The following GOLGA4 variants were observed in gnomAD, a reference collection of about 807,000 sequenced individuals.
GOLGA4 encodes golgin A4.
A neutral mutation model predicts 265.9 loss-of-function variants in GOLGA4; 169 were observed. The observed-to-expected ratio is 0.64, with a 90% CI of 0.56 to 0.72. GOLGA4 has a LOEUF of 0.72. Ranked by LOEUF, GOLGA4 falls within the 30% of genes least tolerant of loss-of-function variation. The probability of loss-of-function intolerance (pLI) is 0.00; values close to 1 mark genes in which losing one functional copy is unlikely to be tolerated. For missense variants in GOLGA4, 2,482 were observed against 2,483.4 expected, an observed-to-expected ratio of 1.00 and a Z score of 0.01; for synonymous variants, 923 against 855.8, an observed-to-expected ratio of 1.08 and a Z score of -1.37.
chr3:37,336,577 A>G (rs563837440), intron 17 of GOLGA4, among the ~76,000 whole-genome samples: 2 of 151,226 alleles, frequency 1.3e-5, no homozygotes, highest in South Asian at 4.2e-4. Flanking sequence ...CCTGACCAAC[A>G]TGGAGAAACC....
chr3:37,337,741 G>T lies in GOLGA4; in HGVS notation c.6396+7G>T, dbSNP rs1391133224. On this transcript the variant is annotated splice_region_variant and intron_variant, in intron 19 of 23. Transcript: ENST00000361924. ...GCAAGAGTTCAGAGAACAGGTACAG[G>T]CCTAATTGGTACCTTTTATTTTGAA... The T allele has an allele frequency of 2.6e-6, 4 of 1,551,982 alleles. No homozygotes were observed. Among genetic ancestry groups the T allele is most frequent in the Non-Finnish European group, 3.6e-6 (4 of 1,123,490 alleles).
At chr3:37,281,263 G>A (rs1354554988) in intron 2 of GOLGA4, among the ~76,000 whole-genome samples, 2 of 152,096 alleles carry the variant, frequency 1.3e-5, no homozygotes, top group Non-Finnish European at 2.9e-5. Context: ...TTGTGCAGAG[G>A]GACTCTAACT....
chr3:37,271,204 A>G lies in GOLGA4; in HGVS notation c.163-10754A>G, dbSNP rs1374307209. On this transcript the variant is annotated intron_variant, in intron 2 of 23. Transcript: ENST00000361924. Reference sequence around the variant, plus strand: ...TGTGTGGCCCCGTTCCTAACAGGCTATGAGTTGATACTGGACTGTGGCCCA... The same window carrying G: ...TGTGTGGCCCCGTTCCTAACAGGCTGTGAGTTGATACTGGACTGTGGCCCA... Among the ~76,000 whole-genome samples the G allele has an allele frequency of 2.6e-5, 4 of 152,228 alleles. No homozygotes were observed. In the East Asian group the frequency reaches 7.7e-4, roughly 29 times the overall value.
rs1696741110 is a variant in GOLGA4, at chr3:37,366,308, G to T, written c.*262G>T. On this transcript the variant is annotated 3_prime_UTR_variant, in exon 24 of 24. Coordinates refer to ENST00000361924, the MANE Select transcript of GOLGA4 (RefSeq NM_002078.5). ...TTTCTTCAGTTTTCTCTTGGGAAGA[G>T]TTTTATGTTGTTTAAAAGATATTTT... is the stretch of plus-strand genomic sequence containing the variant. 1 of 427,856 alleles carries T rather than the reference G, an allele frequency of 2.3e-6. No individual in the cohort carries two copies. Among genetic ancestry groups the T allele is most frequent in the African/African-American group, 2.0e-5 (1 of 49,758 alleles). 26.5% of individuals were successfully genotyped at this position (427,856 alleles called of 1,614,324 possible). A position where few individuals can be genotyped will look rare whatever the true frequency, so the allele number is the denominator to read the frequency against.
intron 23 of GOLGA4, among the ~76,000 whole-genome samples, chr3:37,363,597 A>G (rs953507846): frequency 6.6e-6 from 1 of 152,216 alleles, no homozygotes; most frequent in Non-Finnish European, 1.5e-5. Context: ...ACTTGCCGAC[A>G]TGCTTGCAAG....
intron 2 of GOLGA4, among the ~76,000 whole-genome samples, chr3:37,271,967 A>G (rs2096799924): frequency 6.6e-6 from 1 of 152,134 alleles, no homozygotes; most frequent in Non-Finnish European, 1.5e-5. Flanking sequence ...TCTAGGTTGC[A>G]TGCTCCTTAT....
At chr3:37,248,651 G>C (rs914658244) in intron 1 of GOLGA4, among the ~76,000 whole-genome samples, 2 of 152,172 alleles carry the variant, frequency 1.3e-5, no homozygotes, top group African/African-American at 4.8e-5. Flanking sequence ...ATCAGGCCAC[G>C]TTTTGCCAGA....
At chr3:37,259,473 A>G (rs1249430144) in intron 2 of GOLGA4, among the ~76,000 whole-genome samples, 2 of 152,190 alleles carry the variant, frequency 1.3e-5, no homozygotes, top group Non-Finnish European at 2.9e-5. Flanking sequence ...TGCTTTTAAC[A>G]CATAGTATAG....
chr3:37,338,904 C>T (rs561194319), intron 19 of GOLGA4, among the ~76,000 whole-genome samples: 77 of 148,800 alleles, frequency 5.2e-4, no homozygotes, highest in Non-Finnish European at 7.9e-4. Context: ...CTCTGTCATC[C>T]AGGCTGGAGT....
chr3:37,340,786 G>C (rs2097031015), intron 20 of GOLGA4, among the ~76,000 whole-genome samples: 2 of 152,296 alleles, frequency 1.3e-5, no homozygotes, highest in East Asian at 1.9e-4. Flanking sequence ...GTTTTCTTCT[G>C]TTTGGAGGCT....
At chr3:37,349,941 T>A (rs1206527904) in intron 21 of GOLGA4, among the ~76,000 whole-genome samples, 2 of 152,182 alleles carry the variant, frequency 1.3e-5, no homozygotes, top group Non-Finnish European at 2.9e-5. Flanking sequence ...AGTATGGAGT[T>A]AAGTAAGTTC....
In GOLGA4 at chr3:37,366,199, A is replaced by G; in HGVS notation, c.*153A>G. ...TCATTCAGGGCCCCTCATGTAGCCA[A>G]AAGACCAAGAAAAATCTGGCCCACA... On this transcript the variant is annotated 3_prime_UTR_variant, in exon 24 of 24. Coordinates refer to ENST00000361924, the MANE Select transcript of GOLGA4 (RefSeq NM_002078.5). 3 of 925,200 alleles carry G rather than the reference A, an allele frequency of 3.2e-6. No homozygotes were observed. Among genetic ancestry groups the G allele is most frequent in the Non-Finnish European group, 4.6e-6 (3 of 647,490 alleles). 57.3% of individuals were successfully genotyped at this position (925,200 alleles called of 1,614,324 possible). A position where few individuals can be genotyped will look rare whatever the true frequency, so the allele number is the denominator to read the frequency against.
In GOLGA4 at chr3:37,315,454, C is replaced by T. The variant is rs775533449; in HGVS notation, c.1269C>T (p.Ala423=). The change falls in exon 11 of 24, where the codon GCC becomes GCT. Residue 423 remains alanine, a synonymous_variant. Transcript: ENST00000361924. ...AACTTGAAAAAGCTTTGAGTACAGCCCAAAAAACAGAGGAAGCACGGAGAA... is the reference window on the plus strand; with the variant it reads ...AACTTGAAAAAGCTTTGAGTACAGCTCAAAAAACAGAGGAAGCACGGAGAA... The part of the protein sequence containing the change: ...FEELEKALST[A]QKTEEARRKL... 1 of 1,613,678 alleles carries T rather than the reference C, an allele frequency of 6.2e-7. No homozygotes were observed. Among genetic ancestry groups the T allele is most frequent in the South Asian group, 1.1e-5 (1 of 91,042 alleles).
At position 37,326,532 on chromosome 3, in the gene GOLGA4, A is replaced by G. The variant is rs1432875800; in HGVS notation, c.4646A>G (p.Lys1549Arg). The part of the protein sequence containing the change: ...IEIESLNEVL[K>R]NYNQQKDIEH... ...ATAGAGTCCTTAAATGAAGTTCTTA[A>G]AAATTACAATCAACAAAAGGATATT... The change falls in exon 14 of 24, where the codon AAA becomes AGA. Residue 1549 changes from lysine to arginine, a missense_variant. Physicochemically the swap from Lys to Arg is conservative, Grantham distance 26. Coordinates refer to ENST00000361924, the MANE Select transcript of GOLGA4 (RefSeq NM_002078.5). 6.2e-7 allele frequency: 1 copy of G among 1,607,788 alleles called. No homozygotes were observed. Among genetic ancestry groups the G allele is most frequent in the African/African-American group, 1.3e-5 (1 of 74,594 alleles).
chr3:37,358,968 C>A (rs2097097539), intron 22 of GOLGA4, among the ~76,000 whole-genome samples: 1 of 152,132 alleles, frequency 6.6e-6, no homozygotes, highest in South Asian at 2.1e-4. Context: ...TATACTATCT[C>A]TAAGGTTTCT....
At chr3:37,264,707 T>C (rs2096778944) in intron 2 of GOLGA4, among the ~76,000 whole-genome samples, 1 of 152,118 alleles carries the variant, frequency 6.6e-6, no homozygotes, top group Non-Finnish European at 1.5e-5. Flanking sequence ...GCTAAATTCA[T>C]GTTTCAAAAA....
rs780927182 is a variant in GOLGA4 at position 37,295,119 on chromosome 3, GA to G, written c.681+47del. The G allele has an allele frequency of 1.3e-5, 15 of 1,120,088 alleles. No homozygotes were observed. The South Asian group carries it at 1.8e-4, about 13-fold the overall frequency. The allele number at this position is 1,120,088 out of a possible 1,614,324, so 69.4% of individuals were successfully genotyped here. Reference sequence around the variant, plus strand: ...AAAAGTGTGGAATTTTTTGGATAAAGAAAAATAGAGGGGGTTTGATTTGGAT... The same window carrying G: ...AAAAGTGTGGAATTTTTTGGATAAAGAAAATAGAGGGGGTTTGATTTGGAT... On this transcript the variant is annotated intron_variant, in intron 6 of 23. Transcript: ENST00000361924.
intron 10 of GOLGA4, among the ~76,000 whole-genome samples, chr3:37,305,004 C>T (rs530582222): frequency 1.1e-4 from 17 of 152,136 alleles, no homozygotes; most frequent in African/African-American, 3.1e-4. Context: ...CTGCAACCTC[C>T]GCCTCCTGGG....
At chr3:37,306,072 AAAAG>A (rs1444529708) in intron 10 of GOLGA4, among the ~76,000 whole-genome samples, 1 of 152,160 alleles carries the variant, frequency 6.6e-6, no homozygotes, top group Non-Finnish European at 1.5e-5. Context: ...TGCTGGCATA[AAAAG>A]AATAATTCTG....
Sources: gnomAD v4.1 joint callset for allele counts (sites outside exome capture counted in the v4.1 genomes callset) on GRCh38, gnomAD v4.1.1 for gene constraint, MANE v1.5 for transcripts, NCBI Gene and HGNC (gene_info 2026-07-23, HGNC 2026-07-21) for gene names.